Variants in PARP1 observed in about 807,000 individuals in gnomAD.
PARP1 encodes the protein poly [ADP-ribose] polymerase 1.
Under a neutral mutation model 118.7 loss-of-function variants are expected in PARP1, and 44 were observed. That is an observed-to-expected ratio of 0.37 (90% CI 0.29 to 0.48). The LOEUF is 0.48. PARP1 is among the 20% of genes least tolerant of loss of function. PARP1 has a pLI of 0.99. For missense variants in PARP1, 1,100 were observed against 1,272.4 expected (o/e 0.86, Z 2.06); for synonymous variants, 492 against 483.2 (o/e 1.02, Z -0.24).
At chr1:226,377,481 T>C (rs1443894328) in intron 12 of PARP1, among the ~76,000 whole-genome samples, 178 bp from the exon 13 acceptor site, 1 of 152,182 alleles carries the variant, frequency 6.6e-6, no homozygotes, top group Non-Finnish European at 1.5e-5. Flanking sequence ...ATTTTACTTT[T>C]CATTAAACTT....
rs369800142 is a variant in PARP1, at chr1:226,379,103, C to A, written c.1745+39G>T. The A allele has an allele frequency of 3.9e-5, 63 of 1,613,222 alleles. 1 individual carries two copies. The African/African-American group carries it at 5.6e-4, about 14-fold the overall frequency. Reference sequence around the variant, plus strand: ...AGCACTAACCAATGCAGGACGGGCCCATGTCTCTGCACAACCAGGCTACAC... The same window carrying A: ...AGCACTAACCAATGCAGGACGGGCCAATGTCTCTGCACAACCAGGCTACAC... On this transcript the variant is annotated intron_variant, in intron 12 of 22. Transcript: ENST00000366794.
chr1:226,381,246 T>C, intron 8 of PARP1, 38 bp from the exon 9 acceptor site: 3 of 1,613,808 alleles, frequency 1.9e-6, no homozygotes, highest in Non-Finnish European at 2.5e-6. Flanking sequence ...CAAGGCCAGC[T>C]CTGGTGCTGC....
intron 16 of PARP1, among the ~76,000 whole-genome samples, chr1:226,367,811 C>G (rs1324293220): frequency 6.6e-6 from 1 of 152,148 alleles, no homozygotes. Flanking sequence ...GCCTTGTGGC[C>G]TGGGGGAGTT....
In PARP1 at chr1:226,386,353, C is replaced by T. The variant is rs780032619; in HGVS notation, c.807G>A (p.Lys269=). The T allele has an allele frequency of 1.6e-5, 26 of 1,612,820 alleles. No homozygotes were observed. The highest frequency in any genetic ancestry group is 2.0e-5 in the Non-Finnish European group (23 of 1,178,922). The part of the protein sequence containing the change: ...NDLKELLIFN[K]QQVPSGESAI... The stretch of plus-strand genomic sequence containing the variant: ...CCGACTCCCCAGAAGGCACTTGCTG[C>T]TTGTTGAAGATGAGTAGCTCCTTCA... The change falls in exon 6 of 23, where the codon AAG becomes AAA. Residue 269 remains lysine, a synonymous_variant. Transcript: ENST00000366794.
At chr1:226,395,810 T>C (rs986313471) in intron 2 of PARP1, among the ~76,000 whole-genome samples, 3 of 151,978 alleles carry the variant, frequency 2.0e-5, no homozygotes, top group Non-Finnish European at 2.9e-5. Flanking sequence ...CTATGCTGAG[T>C]GAAGTAAGCC....
At chr1:226,368,909 C>T (rs779990613) in intron 15 of PARP1, among the ~76,000 whole-genome samples, 24 of 152,188 alleles carry the variant, frequency 1.6e-4, no homozygotes, top group Non-Finnish European at 2.6e-4. Flanking sequence ...GATGGAAGAG[C>T]GGGGCCACTG....
At position 226,392,313 on chromosome 1, in the gene PARP1, G is replaced by T. The variant is rs1200889257; in HGVS notation, c.288C>A (p.Gly96=). The T allele has an allele frequency of 3.7e-6, 6 of 1,611,138 alleles. No homozygotes were observed. In the Admixed American group the frequency reaches 1.0e-4, roughly 27 times the overall value. Residue 96 remains glycine (G), a splice_region_variant and synonymous_variant, in exon 3 of 23, where the codon GGC becomes GGA. Coordinates refer to ENST00000366794, the MANE Select transcript of PARP1 (RefSeq NM_001618.4). The stretch of plus-strand genomic sequence containing the variant: ...TGCTACCAATTCCATCCTGGCCTTT[G>T]CCTGGAGAATCAAACAGACAGCAAT... ...KKTAEAGGVT[G]KGQDGIGSKA...
rs763001400 is a variant in PARP1 at position 226,390,466 on chromosome 1, A to T, written c.561T>A (p.Leu187=). The T allele has an allele frequency of 2.2e-5, 36 of 1,614,026 alleles. No homozygotes were observed. The South Asian group carries it at 4.0e-4, about 18-fold the overall frequency. Residue 187 remains leucine, a synonymous_variant, in exon 4 of 23, where the codon CTT becomes CTA. Transcript: ENST00000366794. ...TCAGGGCTTCTTTATCCTCTGTAGC[A>T]AGGAGGCTGAAGCCCTTGAGCTGAC... ...SASQLKGFSL[L]ATEDKEALKK...
At position 226,381,204 on chromosome 1, in the gene PARP1, C is replaced by T. The variant is rs750121408; in HGVS notation, c.1164G>A (p.Lys388=). ...TCAGGATCTTCATGTTGGATAATGG[C>T]TTATCTGGGATGAAAGGAGAGAATC... The part of the protein sequence containing the change: ...AAVNSSASAD[K]PLSNMKILTL... Residue 388 remains lysine (K), a synonymous_variant, in exon 9 of 23, where the codon AAG becomes AAA. Coordinates refer to ENST00000366794, the MANE Select transcript of PARP1 (RefSeq NM_001618.4). The T allele has an allele frequency of 3.7e-6, 6 of 1,614,172 alleles. No homozygotes were observed. The highest frequency in any genetic ancestry group is 4.2e-6 in the Non-Finnish European group (5 of 1,180,026).
At chr1:226,383,317 AG>A in intron 7 of PARP1, 134 bp from the exon 8 acceptor site, 1 of 738,092 alleles carries the variant, frequency 1.4e-6, no homozygotes, top group Non-Finnish European at 2.3e-6. Flanking sequence ...AACAAAAAAT[AG>A]AAAAATGTGA....
chr1:226,388,679 T>G lies in PARP1; in HGVS notation c.694A>C (p.Ser232Arg). ...KKSKKEKDKD[S>R]KLEKALKAQN... ...ACCTTTAGGGCTTTTTCAAGCTTAC[T>G]ATCCTTGTCTTTTTCTTTTTTAGAT... The change falls in exon 5 of 23, where the codon AGT becomes CGT. Residue 232 changes from serine (S) to arginine (R), a missense_variant. By Grantham distance (110) the Ser-to-Arg change is moderately radical (BLOSUM62 -1). This residue lies in a region of PARP1 where 948 missense variants were observed against 1,031.8 expected (regional missense o/e 0.92). Transcript: ENST00000366794. 2 of 1,613,470 alleles carry G rather than the reference T, an allele frequency of 1.2e-6. No individual in the cohort carries two copies. Among genetic ancestry groups the G allele is most frequent in the Non-Finnish European group, 1.7e-6 (2 of 1,179,346 alleles).
chr1:226,372,166 T>A (rs952620745), intron 14 of PARP1, among the ~76,000 whole-genome samples: 2 of 152,170 alleles, frequency 1.3e-5, no homozygotes, highest in African/African-American at 4.8e-5. Flanking sequence ...AGAGTCAGGT[T>A]CCCCTGGTGC....
intron 5 of PARP1, 99 bp from the exon 6 acceptor site, chr1:226,386,541 T>C: frequency 2.4e-6 from 2 of 833,186 alleles, no homozygotes; most frequent in East Asian, 2.4e-5. Flanking sequence ...AGTTATACCC[T>C]TGTGCACCAG....
At chr1:226,386,255 T>A (rs934176742) in intron 6 of PARP1, 71 bp downstream of exon 6, 1 of 900,906 alleles carries the variant, frequency 1.1e-6, no homozygotes, top group Admixed American at 1.7e-5. Flanking sequence ...CCACACTCCA[T>A]TGGGACAGTC....
chr1:226,381,860 C>T (rs1664616391), intron 8 of PARP1, among the ~76,000 whole-genome samples: 1 of 152,214 alleles, frequency 6.6e-6, no homozygotes, highest in African/African-American at 2.4e-5. Context: ...TCCTGCCTTC[C>T]CTGTGAGGGC....
intron 14 of PARP1, among the ~76,000 whole-genome samples, chr1:226,373,363 C>A (rs3754376): frequency 0.56 from 84,482 of 152,074 alleles, 25,006 homozygotes; most frequent in Middle Eastern, 0.67. Flanking sequence ...TTTTTCAGAG[C>A]AGCCTGAAGC....
In PARP1 at chr1:226,361,463, C is replaced by T. The variant is rs1664136352; in HGVS notation, c.3042G>A (p.Trp1014Ter). The change falls in exon 23 of 23, where the codon TGG (tryptophan) becomes TGA (stop). Residue 1014 changes from tryptophan to a stop codon, truncating the protein, a stop_gained. Coordinates refer to ENST00000366794, the MANE Select transcript of PARP1 (RefSeq NM_001618.4). LOFTEE classifies it high-confidence loss of function. ...GTGACTCGGCTACCTCTCCCAATTA[C>T]CACAGGGAGGTCTTAAAATTGAATT... ...KLKFNFKTSL[W>*] The T allele has an allele frequency of 3.1e-6, 5 of 1,604,254 alleles. No homozygotes were observed. Among genetic ancestry groups the T allele is most frequent in the Non-Finnish European group, 4.3e-6 (5 of 1,171,236 alleles).
chr1:226,363,040 C>G (rs747659), intron 21 of PARP1, 59 bp downstream of exon 21: 1 of 1,222,624 alleles, frequency 8.2e-7, no homozygotes, highest in Non-Finnish European at 1.2e-6. Flanking sequence ...AGCAAGCCCC[C>G]GGCTTCTGTG....
At chr1:226,364,096 G>A (rs2102726300) in intron 19 of PARP1, 26 bp from the exon 20 acceptor site, 1 of 1,612,828 alleles carries the variant, frequency 6.2e-7, no homozygotes, top group East Asian at 2.2e-5. Flanking sequence ...AGGGAGAGCT[G>A]AGAATCTTCT....
Sources: allele counts gnomAD v4.1 joint callset (sites outside exome capture counted in the v4.1 genomes callset), GRCh38; gene constraint gnomAD v4.1.1; regional missense constraint gnomAD v4.1.1; transcripts MANE v1.5; gene names NCBI Gene and HGNC (gene_info 2026-07-23, HGNC 2026-07-21).